The following SDK1 variants were observed in gnomAD, a reference collection of about 807,000 sequenced individuals.
SDK1 encodes the protein protein sidekick-1.
Under a neutral mutation model 245.5 loss-of-function variants are expected in SDK1, and 157 were observed. The ratio of observed to expected loss-of-function variants is 0.64; its 90% CI spans 0.56 to 0.73. SDK1 has a LOEUF of 0.73. Among genes scored for constraint, SDK1 ranks in the 30% least tolerant of loss-of-function variants. The probability of loss-of-function intolerance (pLI) is 0.00; values close to 1 mark genes in which losing one functional copy is unlikely to be tolerated. For synonymous variants in SDK1, 1,647 were observed against 1,278.5 expected, an observed-to-expected ratio of 1.29 and a Z score of -6.15; for missense variants, 3,583 against 3,002.3, an observed-to-expected ratio of 1.19 and a Z score of -4.52.
chr7:4,233,230 T>C (rs1355689191), intron 40 of SDK1, 25 bp from the exon 41 acceptor site: 1 of 1,604,836 alleles, frequency 6.2e-7, no homozygotes, highest in Admixed American at 1.7e-5. Context: ...TAACCTCTGC[T>C]CTCGCCTCCC....
chr7:3,817,003 C>G (rs1314832786), intron 4 of SDK1, among the ~76,000 whole-genome samples: 1 of 152,098 alleles, frequency 6.6e-6, no homozygotes, highest in Non-Finnish European at 1.5e-5. Flanking sequence ...AATTATGCTT[C>G]TATGTTTAAT....
At chr7:4,006,211 C>T (rs1423646520) in intron 14 of SDK1, among the ~76,000 whole-genome samples, 1 of 152,142 alleles carries the variant, frequency 6.6e-6, no homozygotes, top group Non-Finnish European at 1.5e-5. Context: ...CTTTTTCAAC[C>T]AACAGCTAAA....
chr7:3,407,938 G>T (rs1213789953), intron 1 of SDK1, among the ~76,000 whole-genome samples: 1 of 152,186 alleles, frequency 6.6e-6, no homozygotes, highest in Non-Finnish European at 1.5e-5. Flanking sequence ...ACAGGTGGAT[G>T]AGAAGGGTAT....
intron 5 of SDK1, among the ~76,000 whole-genome samples, chr7:3,924,512 T>C (rs568682983): frequency 6.6e-6 from 1 of 152,272 alleles, no homozygotes; most frequent in Non-Finnish European, 1.5e-5. Flanking sequence ...GCACATTCAC[T>C]GTCAGACGAC....
chr7:3,832,250 C>T (rs557857486), intron 5 of SDK1, among the ~76,000 whole-genome samples: 4 of 152,266 alleles, frequency 2.6e-5, no homozygotes, highest in African/African-American at 9.6e-5. Context: ...AAGAGACTTT[C>T]ACCATTTTAC....
At chr7:3,347,871 A>C (rs1196276335) in intron 1 of SDK1, among the ~76,000 whole-genome samples, 1 of 146,164 alleles carries the variant, frequency 6.8e-6, no homozygotes, top group Non-Finnish European at 1.5e-5. Context: ...GTATCGAGCC[A>C]GTTACAAACA....
chr7:3,610,253 A>G (rs1366301476), intron 1 of SDK1, among the ~76,000 whole-genome samples: 4 of 152,238 alleles, frequency 2.6e-5, no homozygotes, highest in African/African-American at 4.8e-5. Flanking sequence ...CAGCAAACAG[A>G]TAAGCAGGAG....
intron 1 of SDK1, among the ~76,000 whole-genome samples, chr7:3,311,187 TG>T (rs1168084325): frequency 6.6e-6 from 1 of 152,026 alleles, no homozygotes; most frequent in Non-Finnish European, 1.5e-5. Context: ...GCGATGGGCC[TG>T]GGGGGAGAGT....
At chr7:4,035,114 G>C (rs1788119652) in intron 17 of SDK1, among the ~76,000 whole-genome samples, 1 of 152,190 alleles carries the variant, frequency 6.6e-6, no homozygotes, top group Non-Finnish European at 1.5e-5. Flanking sequence ...GAGTAGCTGG[G>C]ATTACAAGCA....
chr7:3,663,397 A>T (rs748378445), intron 4 of SDK1, among the ~76,000 whole-genome samples: 1 of 152,168 alleles, frequency 6.6e-6, no homozygotes, highest in East Asian at 1.9e-4. Context: ...TAAATGAAAT[A>T]TATAGGGAAG....
intron 1 of SDK1, among the ~76,000 whole-genome samples, chr7:3,527,632 G>C (rs999085628): frequency 6.6e-6 from 1 of 152,006 alleles, no homozygotes; most frequent in Admixed American, 6.6e-5. Context: ...AGTCAGCTAG[G>C]GGGTGAGTGG....
chr7:4,086,775 C>T (rs1781452650), intron 22 of SDK1, among the ~76,000 whole-genome samples: 2 of 152,260 alleles, frequency 1.3e-5, no homozygotes, highest in Admixed American at 6.5e-5. Context: ...CATAAGGCAG[C>T]GTACTCATGG....
rs1779831977 is a variant in SDK1, at chr7:3,828,459, A to G, written c.847+6876A>G. On this transcript the variant is annotated intron_variant, in intron 5 of 44. Transcript: ENST00000404826. ...AGATTAGAATTAAACTTTATTCCTCATGTCATTGAGAGATGCATTTCTAGT... is the reference window on the plus strand; with the variant it reads ...AGATTAGAATTAAACTTTATTCCTCGTGTCATTGAGAGATGCATTTCTAGT... 2.0e-5 allele frequency among the ~76,000 whole-genome samples: 3 copies of G among 152,034 alleles called. No homozygotes were observed. In the South Asian group the frequency reaches 6.2e-4, roughly 32 times the overall value.
chr7:4,088,475 G>A (rs916777028), intron 22 of SDK1, among the ~76,000 whole-genome samples: 1 of 151,650 alleles, frequency 6.6e-6, no homozygotes, highest in Admixed American at 6.6e-5. Context: ...TTACACCATT[G>A]ATGTAGGCTT....
chr7:3,565,805 A>G (rs1779896064), intron 1 of SDK1, among the ~76,000 whole-genome samples: 1 of 152,214 alleles, frequency 6.6e-6, no homozygotes, highest in African/African-American at 2.4e-5. Flanking sequence ...TTCAGGGAAT[A>G]ATGACAGGAA....
intron 40 of SDK1, among the ~76,000 whole-genome samples, chr7:4,231,390 C>A (rs920631773): frequency 1.3e-5 from 2 of 151,282 alleles, no homozygotes; most frequent in African/African-American, 4.9e-5. Flanking sequence ...ACAGGGAGAC[C>A]CTGTCACTAC....
At chr7:3,403,880 T>TATATATATATATTTTATATATATATA (rs1342131648) in intron 1 of SDK1, among the ~76,000 whole-genome samples, 3 of 119,802 alleles carry the variant, frequency 2.5e-5, no homozygotes, top group African/African-American at 9.3e-5. Flanking sequence ...ATATATATAT[T>TATATATATATATTTTATATATATATA]TATTTATATT....
At chr7:4,246,286 T>G (rs775348741) in intron 44 of SDK1, among the ~76,000 whole-genome samples, 1 of 152,108 alleles carries the variant, frequency 6.6e-6, no homozygotes, top group Non-Finnish European at 1.5e-5. Flanking sequence ...ATGGTCGCTT[T>G]CACGTGCTCC....
rs895768144 is a variant in SDK1 at position 3,555,401 on chromosome 7, C to G, written c.299-63679C>G. Among the ~76,000 whole-genome samples, 3 of 152,232 alleles carry G rather than the reference C, an allele frequency of 2.0e-5. 1 individual carries two copies. The South Asian group carries it at 6.2e-4, about 32-fold the overall frequency. ...CATATACAGAAGAATGAAACTAGAC[C>G]TCTATGTCTCATCACATACAAAAAT... On this transcript the variant is annotated intron_variant, in intron 1 of 44. Transcript: ENST00000404826.
Sources: gnomAD v4.1 joint callset for allele counts (sites outside exome capture counted in the v4.1 genomes callset) on GRCh38, gnomAD v4.1.1 for gene constraint, MANE v1.5 for transcripts, NCBI Gene and HGNC (gene_info 2026-07-23, HGNC 2026-07-21) for gene names.